The following IL1RAPL1 variants were observed in gnomAD, a reference collection of about 807,000 sequenced individuals.
IL1RAPL1 encodes interleukin-1 receptor accessory protein-like 1.
A neutral mutation model predicts 48.4 loss-of-function variants in IL1RAPL1; 3 were observed. The ratio of observed to expected loss-of-function variants is 0.06; its 90% confidence interval spans 0.03 to 0.16. The LOEUF is 0.16. Ranked by LOEUF, IL1RAPL1 falls within the 10% of genes least tolerant of loss-of-function variation. The probability of loss-of-function intolerance (pLI) is 1.00; values close to 1 mark genes in which losing one functional copy is unlikely to be tolerated. For synonymous variants in IL1RAPL1, 185 were observed against 187.7 expected, an observed-to-expected ratio of 0.99 and a Z score of 0.12; for missense variants, 349 against 530.6, an observed-to-expected ratio of 0.66 and a Z score of 3.36.
intron 6 of IL1RAPL1, among the ~76,000 whole-genome samples, chrX:29,748,810 T>C (rs1039450681): frequency 1.9e-4 from 21 of 109,844 alleles, no homozygotes; most frequent in African/African-American, 6.3e-4. Context: ...GGACATATAG[T>C]GAGCAAAATT....
chrX:28,970,294 G>T (rs1295117992), intron 2 of IL1RAPL1, among the ~76,000 whole-genome samples: 2 of 112,305 alleles, frequency 1.8e-5, no homozygotes, highest in Admixed American at 1.9e-4. Context: ...GAGCCACTGC[G>T]CCCAGCCAAA....
chrX:29,012,020 A>G (rs774692371), intron 2 of IL1RAPL1, among the ~76,000 whole-genome samples: 19 of 112,533 alleles, frequency 1.7e-4, no homozygotes, highest in African/African-American at 6.1e-4. Context: ...CCGACATTAT[A>G]TAATATTTCA....
At chrX:29,113,100 C>T (rs1318555125) in intron 2 of IL1RAPL1, among the ~76,000 whole-genome samples, 2 of 111,547 alleles carry the variant, frequency 1.8e-5, no homozygotes, top group Non-Finnish European at 3.8e-5. Flanking sequence ...CGTGAGCCAC[C>T]GTGCCCAGTC....
chrX:29,082,410 A>G (rs1485109640), intron 2 of IL1RAPL1, among the ~76,000 whole-genome samples: 4 of 112,597 alleles, frequency 3.6e-5, no homozygotes, highest in Non-Finnish European at 7.5e-5. Context: ...TTCTAAAAGT[A>G]TCAGAACATT....
chrX:28,836,594 C>A (rs1345652206), intron 2 of IL1RAPL1, among the ~76,000 whole-genome samples: 2 of 109,503 alleles, frequency 1.8e-5, no homozygotes, highest in Non-Finnish European at 1.9e-5. Flanking sequence ...AATTACGTTT[C>A]ATTTTTGTAA....
intron 2 of IL1RAPL1, among the ~76,000 whole-genome samples, chrX:29,081,314 C>G (rs1273430701): frequency 9.2e-6 from 1 of 108,959 alleles, no homozygotes; most frequent in Admixed American, 1.0e-4. Context: ...CCTCGGCCCC[C>G]CAAAGTGCTA....
At chrX:28,673,791 G>T (rs997003122) in intron 1 of IL1RAPL1, among the ~76,000 whole-genome samples, 2 of 111,791 alleles carry the variant, frequency 1.8e-5, no homozygotes, top group African/African-American at 6.5e-5. Flanking sequence ...TTGAATATAT[G>T]AATGTGTAAA....
At chrX:29,036,338 G>A (rs757827517) in intron 2 of IL1RAPL1, among the ~76,000 whole-genome samples, 10 of 112,089 alleles carry the variant, frequency 8.9e-5, no homozygotes, top group East Asian at 5.6e-4. Context: ...GGGCAAAAAC[G>A]CGGATTTTCT....
At chrX:29,611,581 A>G (rs1171126500) in intron 5 of IL1RAPL1, among the ~76,000 whole-genome samples, 1 of 111,638 alleles carries the variant, frequency 9.0e-6, no homozygotes, top group Non-Finnish European at 1.9e-5. Flanking sequence ...GTCATGCGCC[A>G]TGGTCACTCT....
intron 2 of IL1RAPL1, among the ~76,000 whole-genome samples, chrX:29,086,492 A>G (rs1271864046): frequency 8.9e-6 from 1 of 111,886 alleles, no homozygotes; most frequent in Non-Finnish European, 1.9e-5. Flanking sequence ...TTTATATACC[A>G]GTTGTTTGTC....
At chrX:29,602,920 A>ATTG (rs61597821) in intron 5 of IL1RAPL1, among the ~76,000 whole-genome samples, 54,428 of 110,990 alleles carry the variant, frequency 0.49, 11,086 homozygotes, top group African/African-American at 0.79. Flanking sequence ...AATGAGAAAG[A>ATTG]TTATGATTTT....
chrX:29,837,274 T>A (rs5928499), intron 6 of IL1RAPL1, among the ~76,000 whole-genome samples: 15,379 of 48,587 alleles, frequency 0.32, 2,200 homozygotes, highest in East Asian at 0.35. Context: ...AAAAAAAAAA[T>A]ATATATATAT....
intron 2 of IL1RAPL1, among the ~76,000 whole-genome samples, chrX:29,250,548 G>C (rs752308136): frequency 9.0e-6 from 1 of 111,332 alleles, no homozygotes; most frequent in East Asian, 2.8e-4. Context: ...AATAACAAGA[G>C]GTCATTTCCT....
At chrX:29,647,170 C>T (rs780248101) in intron 5 of IL1RAPL1, among the ~76,000 whole-genome samples, 50 of 110,999 alleles carry the variant, frequency 4.5e-4, no homozygotes, top group Non-Finnish European at 8.5e-4. Flanking sequence ...GCCAACATGG[C>T]GAAACCTCGT....
intron 5 of IL1RAPL1, among the ~76,000 whole-genome samples, chrX:29,447,478 A>G (rs1015312576): frequency 8.9e-6 from 1 of 112,190 alleles, no homozygotes; most frequent in South Asian, 3.6e-4. Context: ...CACTTTTTAC[A>G]ATAAGATATC....
At chrX:28,737,217 T>TTC (rs758850604) in intron 1 of IL1RAPL1, among the ~76,000 whole-genome samples, 8 of 68,351 alleles carry the variant, frequency 1.2e-4, no homozygotes, top group African/African-American at 4.3e-4. Context: ...CTTTCTTTCT[T>TTC]TCTTTCTTTC....
intron 3 of IL1RAPL1, among the ~76,000 whole-genome samples, chrX:29,284,054 CTATT>C (rs1932244637): frequency 1.8e-5 from 2 of 112,434 alleles, no homozygotes; most frequent in East Asian, 2.8e-4. Context: ...GTGTTTAAAT[CTATT>C]TATTTGGCTT....
At chrX:28,619,375 G>T (rs912556512) in intron 1 of IL1RAPL1, among the ~76,000 whole-genome samples, 3 of 109,677 alleles carry the variant, frequency 2.7e-5, no homozygotes, top group Non-Finnish European at 3.8e-5. Context: ...CGAGTGGATC[G>T]CTTGAGTCCA....
chrX:29,365,745 A>G (rs1402712753), intron 3 of IL1RAPL1, among the ~76,000 whole-genome samples: 1 of 109,763 alleles, frequency 9.1e-6, no homozygotes, highest in Non-Finnish European at 1.9e-5. Context: ...CTTTTTTAAA[A>G]AAGAAAGAAA....
Sources: gnomAD v4.1 joint callset for allele counts (sites outside exome capture counted in the v4.1 genomes callset) on GRCh38, gnomAD v4.1.1 for gene constraint, MANE v1.5 for transcripts, NCBI Gene and HGNC (gene_info 2026-07-23, HGNC 2026-07-21) for gene names.